The following MDGA2 variants were observed in gnomAD, a reference collection of about 807,000 sequenced individuals.
MDGA2 encodes the protein MAM domain-containing glycosylphosphatidylinositol anchor protein 2.
A neutral mutation model predicts 117.8 loss-of-function variants in MDGA2; 40 were observed. The ratio of observed to expected loss-of-function variants is 0.34; its 90% CI spans 0.26 to 0.44. MDGA2 has a LOEUF of 0.44. MDGA2 is among the 20% of genes least tolerant of loss of function. The pLI is 1.00. For synonymous variants in MDGA2, 452 were observed against 439.0 expected (o/e 1.03, Z -0.37); for missense variants, 1,123 against 1,250.6 (o/e 0.90, Z 1.54).
intron 10 of MDGA2, among the ~76,000 whole-genome samples, chr14:46,892,453 T>C (rs10138801): frequency 7.3e-4 from 111 of 152,056 alleles, no homozygotes; most frequent in Non-Finnish European, 1.4e-3. Flanking sequence ...TGACAAGAAA[T>C]TGTTGGATAT....
intron 1 of MDGA2, among the ~76,000 whole-genome samples, chr14:47,613,628 G>C (rs1350584299): frequency 6.6e-6 from 1 of 152,004 alleles, no homozygotes; most frequent in Non-Finnish European, 1.5e-5. Flanking sequence ...AAACAATCTA[G>C]GATATGGATT....
chr14:47,573,381 T>C (rs903303533), intron 1 of MDGA2, among the ~76,000 whole-genome samples: 1 of 152,182 alleles, frequency 6.6e-6, no homozygotes, highest in Non-Finnish European at 1.5e-5. Context: ...AGCCACATTA[T>C]AATCTTTTGG....
chr14:47,085,126 A>G (rs1164800031), intron 6 of MDGA2, among the ~76,000 whole-genome samples: 3 of 152,194 alleles, frequency 2.0e-5, no homozygotes, highest in Non-Finnish European at 1.5e-5. Flanking sequence ...TAAACATTAC[A>G]TATCAAAAGT....
At chr14:47,611,407 C>A (rs1896845899) in intron 1 of MDGA2, among the ~76,000 whole-genome samples, 2 of 152,032 alleles carry the variant, frequency 1.3e-5, no homozygotes, top group Admixed American at 1.3e-4. Flanking sequence ...GAACAGTCAG[C>A]AGAGTAAACA....
intron 12 of MDGA2, among the ~76,000 whole-genome samples, chr14:46,876,135 G>A (rs943365865): frequency 2.0e-5 from 3 of 151,368 alleles, no homozygotes; most frequent in Admixed American, 6.6e-5. Context: ...TATAACTAGT[G>A]TAATAATTCA....
intron 1 of MDGA2, among the ~76,000 whole-genome samples, chr14:47,647,782 A>T (rs1476876719): frequency 6.6e-6 from 1 of 152,304 alleles, no homozygotes; most frequent in Non-Finnish European, 1.5e-5. Flanking sequence ...AACATGCAAT[A>T]TAAAACATGA....
At chr14:47,051,285 T>A (rs972036615) in intron 7 of MDGA2, among the ~76,000 whole-genome samples, 1 of 151,840 alleles carries the variant, frequency 6.6e-6, no homozygotes, top group Non-Finnish European at 1.5e-5. Context: ...GTGCTAATAA[T>A]TAAGACATGT....
chr14:47,086,119 T>TG (rs1566615568), intron 6 of MDGA2, among the ~76,000 whole-genome samples: 4 of 131,862 alleles, frequency 3.0e-5, no homozygotes, highest in African/African-American at 1.0e-4. Context: ...TTTTTGTTTT[T>TG]TGTTTTTTTT....
intron 3 of MDGA2, among the ~76,000 whole-genome samples, chr14:47,184,732 C>A (rs1360622451): frequency 2.0e-5 from 3 of 151,456 alleles, no homozygotes; most frequent in Non-Finnish European, 4.4e-5. Flanking sequence ...AGTAACAATA[C>A]CATATTAAAA....
chr14:46,999,677 A>G (rs1887433513), intron 8 of MDGA2, among the ~76,000 whole-genome samples: 1 of 152,110 alleles, frequency 6.6e-6, no homozygotes, highest in African/African-American at 2.4e-5. Flanking sequence ...AAACAAGGGC[A>G]GCCATATCTT....
chr14:47,401,942 C>G (rs1892157822), intron 1 of MDGA2, among the ~76,000 whole-genome samples: 1 of 152,086 alleles, frequency 6.6e-6, no homozygotes, highest in Non-Finnish European at 1.5e-5. Context: ...TCAAATGCCT[C>G]GTAACAAGTA....
chr14:47,514,454 A>T (rs887130250), intron 1 of MDGA2, among the ~76,000 whole-genome samples: 4 of 152,138 alleles, frequency 2.6e-5, no homozygotes, highest in Non-Finnish European at 4.4e-5. Flanking sequence ...AAGGAGGGGT[A>T]TTTAGATGTC....
rs564095608 is a variant in MDGA2 at position 47,023,150 on chromosome 14, G to T, written c.1819+11861C>A. Among the ~76,000 whole-genome samples, 11 of 135,212 alleles carry T rather than the reference G, an allele frequency of 8.1e-5. No individual in the cohort carries two copies. The South Asian group carries it at 2.1e-3, about 26-fold the overall frequency. The allele number at this position is 135,212 out of a possible 152,430, so 88.7% of individuals were successfully genotyped here. On this transcript the variant is annotated intron_variant, in intron 8 of 16. Coordinates refer to ENST00000399232, the MANE Select transcript of MDGA2 (RefSeq NM_001113498.3). ...CCACTACACTTTCCTGCCTATAACAGTTAGACAAGAATTTTCCATCAATTG... is the reference window on the plus strand; with the variant it reads ...CCACTACACTTTCCTGCCTATAACATTTAGACAAGAATTTTCCATCAATTG...
chr14:47,251,580 A>T (rs984587486), intron 2 of MDGA2, among the ~76,000 whole-genome samples: 3 of 152,186 alleles, frequency 2.0e-5, no homozygotes, highest in Non-Finnish European at 2.9e-5. Flanking sequence ...AAACCATCGT[A>T]CAATTCTTAG....
At chr14:47,309,221 C>T (rs1889556597) in intron 1 of MDGA2, among the ~76,000 whole-genome samples, 1 of 152,068 alleles carries the variant, frequency 6.6e-6, no homozygotes, top group African/African-American at 2.4e-5. Flanking sequence ...AGTCAGACTG[C>T]AGATCATTTT....
At chr14:47,604,489 C>CCA (rs1896705772) in intron 1 of MDGA2, among the ~76,000 whole-genome samples, 1 of 122,892 alleles carries the variant, frequency 8.1e-6, no homozygotes, top group African/African-American at 3.7e-5. Context: ...GCTTCCCCAC[C>CCA]CCCCCCCACC....
intron 1 of MDGA2, among the ~76,000 whole-genome samples, chr14:47,469,691 A>C (rs960678552): frequency 1.3e-5 from 2 of 152,098 alleles, no homozygotes; most frequent in Admixed American, 1.3e-4. Context: ...GCTGGGTCAA[A>C]TGGTATTTTT....
At chr14:47,041,374 A>G (rs1380072998) in intron 7 of MDGA2, among the ~76,000 whole-genome samples, 1 of 152,086 alleles carries the variant, frequency 6.6e-6, no homozygotes, top group Admixed American at 6.6e-5. Context: ...CATAATGAAA[A>G]CGTATCAAAT....
rs10639284 is a variant in MDGA2 at position 47,200,534 on chromosome 14, C to CTTTTTTTTTTTTTTTTTT, written c.595+17486_595+17487insAAAAAAAAAAAAAAAAAA. 2.8e-5 allele frequency: 12 copies of CTTTTTTTTTTTTTTTTTT among 421,908 alleles called. 2 individuals are homozygous for CTTTTTTTTTTTTTTTTTT. The highest frequency in any genetic ancestry group is 4.9e-5 in the African/African-American group (2 of 41,040). The allele number at this position is 421,908 out of a possible 1,614,324, so 26.1% of individuals were successfully genotyped here. On this transcript the variant is annotated intron_variant, in intron 3 of 16. Transcript: ENST00000399232. ...TTCTTTTCTTTTTTCTTTTTCTTTT[C>CTTTTTTTTTTTTTTTTTT]TTTTTTTTTTTTTTTGAGGAGTTAA...
Sources: gnomAD v4.1 joint callset for allele counts (sites outside exome capture counted in the v4.1 genomes callset) on GRCh38, gnomAD v4.1.1 for gene constraint, MANE v1.5 for transcripts, NCBI Gene and HGNC (gene_info 2026-07-23, HGNC 2026-07-21) for gene names.